FNDC3B: variants seen among roughly 807,000 people sequenced by gnomAD.
The protein encoded by FNDC3B is fibronectin type III domain-containing protein 3B.
FNDC3B carries 12 observed loss-of-function variants against 151.5 expected under a neutral mutation model. The observed-to-expected ratio is 0.08, with a 90% CI of 0.05 to 0.13. The LOEUF is 0.13. FNDC3B is among the 10% of genes least tolerant of loss of function. The probability of loss-of-function intolerance (pLI) is 1.00; values close to 1 mark genes in which losing one functional copy is unlikely to be tolerated. For missense variants in FNDC3B, 1,214 were observed against 1,505.3 expected, an observed-to-expected ratio of 0.81 and a Z score of 3.20; for synonymous variants, 528 against 549.0, an observed-to-expected ratio of 0.96 and a Z score of 0.54.
chr3:172,051,016 C>T (rs890017788), intron 1 of FNDC3B, among the ~76,000 whole-genome samples: 3 of 151,678 alleles, frequency 2.0e-5, no homozygotes, highest in African/African-American at 4.8e-5. Flanking sequence ...ATGATCTCCC[C>T]TTTTCTTTGC....
At chr3:172,109,210 G>C (rs1265892263) in intron 1 of FNDC3B, among the ~76,000 whole-genome samples, 1 of 141,004 alleles carries the variant, frequency 7.1e-6, no homozygotes, top group African/African-American at 2.8e-5. Flanking sequence ...CTGTCACCCA[G>C]GCTGGAGTGC....
chr3:172,274,436 A>AC (rs1384963885), intron 6 of FNDC3B, among the ~76,000 whole-genome samples: 1 of 152,170 alleles, frequency 6.6e-6, no homozygotes, highest in Non-Finnish European at 1.5e-5. Flanking sequence ...GTAGACTTGG[A>AC]CCGAAAATCA....
intron 3 of FNDC3B, chr3:172,187,412 C>T (rs1439396171): frequency 6.6e-6 from 1 of 152,178 alleles, no homozygotes; most frequent in Admixed American, 6.5e-5. Flanking sequence ...GAGTCCTGTT[C>T]ATCTCTCTGC....
intron 8 of FNDC3B, among the ~76,000 whole-genome samples, chr3:172,298,415 T>C (rs1254630178): frequency 6.6e-6 from 1 of 152,232 alleles, no homozygotes; most frequent in Non-Finnish European, 1.5e-5. Flanking sequence ...TTCATTTGTT[T>C]GTTCATTCAT....
chr3:172,218,654 C>T (rs531039703), intron 3 of FNDC3B, among the ~76,000 whole-genome samples: 19 of 152,286 alleles, frequency 1.2e-4, no homozygotes, highest in Non-Finnish European at 2.6e-4. Context: ...CTGCAACAAC[C>T]CTTGAAATTA....
intron 4 of FNDC3B, among the ~76,000 whole-genome samples, chr3:172,234,655 T>C (rs903222078): frequency 5.9e-5 from 9 of 152,212 alleles, no homozygotes; most frequent in African/African-American, 2.2e-4. Context: ...ACAAAAATGA[T>C]AATTGATTTT....
intron 3 of FNDC3B, among the ~76,000 whole-genome samples, chr3:172,144,431 G>A (rs1434690875): frequency 1.3e-5 from 2 of 152,168 alleles, no homozygotes; most frequent in African/African-American, 2.4e-5. Context: ...CTCTACCAGC[G>A]GTGTGATTGA....
intron 22 of FNDC3B, among the ~76,000 whole-genome samples, chr3:172,356,499 GATCTT>G (rs1047847619): frequency 2.0e-5 from 3 of 152,178 alleles, no homozygotes; most frequent in Non-Finnish European, 4.4e-5. Flanking sequence ...TATAGGTAGA[GATCTT>G]ATCTGTAGAA....
intron 3 of FNDC3B, among the ~76,000 whole-genome samples, chr3:172,198,583 T>C (rs1411085547): frequency 6.6e-6 from 1 of 152,180 alleles, no homozygotes. Flanking sequence ...AGTGCATCTT[T>C]CCCTCACACC....
rs79753549 is a variant in FNDC3B, at chr3:172,309,024, A to G, written c.1200+1523A>G. 7.7e-3 allele frequency among the ~76,000 whole-genome samples: 1,171 copies of G among 152,354 alleles called. 7 individuals carry two copies. The highest frequency in any genetic ancestry group is 0.017 in the South Asian group (84 of 4,830). ...TGGATGAATTTCAGGTCTCAGGCAG[A>G]CCAGCAACTTCAAGAAAGAATTTTC... On this transcript the variant is annotated intron_variant, in intron 10 of 25. Coordinates refer to ENST00000415807, the MANE Select transcript of FNDC3B (RefSeq NM_022763.4).
At chr3:172,183,613 G>A (rs1248556422) in intron 3 of FNDC3B, among the ~76,000 whole-genome samples, 5 of 152,188 alleles carry the variant, frequency 3.3e-5, no homozygotes, top group African/African-American at 7.2e-5. Context: ...ACATTTCATG[G>A]TTTCACTTAT....
intron 6 of FNDC3B, among the ~76,000 whole-genome samples, chr3:172,268,029 A>G (rs1330311500): frequency 6.6e-6 from 1 of 152,226 alleles, no homozygotes; most frequent in Non-Finnish European, 1.5e-5. Context: ...TGTGTTTTTA[A>G]TAATTATTGC....
intron 3 of FNDC3B, among the ~76,000 whole-genome samples, chr3:172,190,885 T>G (rs1207960818): frequency 6.6e-6 from 1 of 152,192 alleles, no homozygotes; most frequent in Non-Finnish European, 1.5e-5. Context: ...GTCAGGCTGG[T>G]CTCGAATTCC....
chr3:172,087,995 C>T (rs1246681089), intron 1 of FNDC3B, among the ~76,000 whole-genome samples: 1 of 152,166 alleles, frequency 6.6e-6, no homozygotes, highest in East Asian at 1.9e-4. Flanking sequence ...AAGCTTTTAT[C>T]ATTCGTCACC....
intron 3 of FNDC3B, among the ~76,000 whole-genome samples, chr3:172,174,184 T>C (rs1723431004): frequency 6.6e-6 from 1 of 152,184 alleles, no homozygotes; most frequent in Admixed American, 6.5e-5. Flanking sequence ...TTGAACCTGT[T>C]AGGATCCAAG....
At chr3:172,267,272 C>T (rs1220170956) in intron 6 of FNDC3B, among the ~76,000 whole-genome samples, 2 of 152,040 alleles carry the variant, frequency 1.3e-5, no homozygotes, top group Non-Finnish European at 2.9e-5. Context: ...CCTCCCACCT[C>T]AGCCTCCCAA....
chr3:172,247,165 T>C (rs1192705326), intron 4 of FNDC3B, among the ~76,000 whole-genome samples: 1 of 152,208 alleles, frequency 6.6e-6, no homozygotes, highest in Non-Finnish European at 1.5e-5. Flanking sequence ...ACTGAACTGA[T>C]AGTTAAATTC....
intron 6 of FNDC3B, among the ~76,000 whole-genome samples, chr3:172,252,136 A>G (rs1479578902): frequency 1.3e-5 from 2 of 152,194 alleles, no homozygotes; most frequent in African/African-American, 4.8e-5. Flanking sequence ...CTTTTTGTAG[A>G]TGAATCTCTT....
chr3:172,066,381 A>G lies in FNDC3B; in HGVS notation c.-29+26610A>G, dbSNP rs115973874. On this transcript the variant is annotated intron_variant, in intron 1 of 25. Transcript: ENST00000415807. ...CTGGAAGGGGAACGATGTGATTCCT[A>G]TTTTCCTGATGAGAAAACTGAGACT... is the stretch of plus-strand genomic sequence containing the variant. Among the ~76,000 whole-genome samples the G allele has an allele frequency of 3.5e-3, 538 of 152,240 alleles. 3 individuals carry two copies. The highest frequency in any genetic ancestry group is 0.012 in the African/African-American group (519 of 41,556).
Sources: allele counts gnomAD v4.1 joint callset (sites outside exome capture counted in the v4.1 genomes callset), GRCh38; gene constraint gnomAD v4.1.1; transcripts MANE v1.5; gene names NCBI Gene and HGNC (gene_info 2026-07-23, HGNC 2026-07-21).